ZFPM2: variants seen among roughly 807,000 people sequenced by gnomAD.
ZFPM2 encodes the protein zinc finger protein ZFPM2.
ZFPM2 carries 20 observed loss-of-function variants against 98.6 expected under a neutral mutation model. The ratio of observed to expected loss-of-function variants is 0.20; its 90% confidence interval spans 0.14 to 0.29. ZFPM2 has a LOEUF of 0.29. Ranked by LOEUF, ZFPM2 falls within the 10% of genes least tolerant of loss-of-function variation. The pLI, the probability that ZFPM2 is intolerant of heterozygous loss-of-function variation, is 1.00. For missense variants in ZFPM2, 1,310 were observed against 1,388.6 expected, an observed-to-expected ratio of 0.94 and a Z score of 0.90; for synonymous variants, 518 against 502.7, an observed-to-expected ratio of 1.03 and a Z score of -0.41.
At chr8:105,483,106 C>A (rs1268972113) in intron 3 of ZFPM2, among the ~76,000 whole-genome samples, 3 of 151,380 alleles carry the variant, frequency 2.0e-5, no homozygotes, top group Non-Finnish European at 4.4e-5. Context: ...AGCAATCATC[C>A]CACCTCAGCC....
At chr8:105,557,783 A>T (rs764827702) in intron 3 of ZFPM2, among the ~76,000 whole-genome samples, 12 of 152,198 alleles carry the variant, frequency 7.9e-5, no homozygotes, top group Non-Finnish European at 1.8e-4. Flanking sequence ...GAGCTTTTCC[A>T]TCTTATTTCA....
At chr8:105,355,603 A>T (rs777635840) in intron 1 of ZFPM2, among the ~76,000 whole-genome samples, 8 of 152,170 alleles carry the variant, frequency 5.3e-5, no homozygotes, top group Non-Finnish European at 1.2e-4. Flanking sequence ...AGATGCTGTT[A>T]ATATTATCTA....
chr8:105,632,044 A>G (rs1220045901), intron 4 of ZFPM2, among the ~76,000 whole-genome samples: 10 of 152,182 alleles, frequency 6.6e-5, no homozygotes, highest in Admixed American at 1.3e-4. Flanking sequence ...TGGATGTTAC[A>G]AATAAGTCAC....
chr8:105,346,861 G>A (rs1191695698), intron 1 of ZFPM2, among the ~76,000 whole-genome samples: 6 of 152,148 alleles, frequency 3.9e-5, no homozygotes, highest in Admixed American at 2.0e-4. Context: ...ATGAGATCAC[G>A]TAGGTGGAGA....
chr8:105,602,945 A>G (rs1816122500), intron 4 of ZFPM2, among the ~76,000 whole-genome samples: 1 of 152,098 alleles, frequency 6.6e-6, no homozygotes, highest in Non-Finnish European at 1.5e-5. Context: ...TTTATTCTGA[A>G]AAGCTTATTG....
At chr8:105,420,574 GA>G (rs1292404546) in intron 2 of ZFPM2, among the ~76,000 whole-genome samples, 2 of 152,188 alleles carry the variant, frequency 1.3e-5, no homozygotes, top group African/African-American at 4.8e-5. Flanking sequence ...ATTTTTAATT[GA>G]AAATGAGAAA....
chr8:105,544,807 T>C (rs1814657549), intron 3 of ZFPM2, among the ~76,000 whole-genome samples: 2 of 152,164 alleles, frequency 1.3e-5, no homozygotes, highest in African/African-American at 4.8e-5. Context: ...GTTCAGCAAA[T>C]GAATAAATAC....
intron 5 of ZFPM2, among the ~76,000 whole-genome samples, chr8:105,686,973 G>T (rs1052210771): frequency 6.6e-6 from 1 of 152,132 alleles, no homozygotes; most frequent in Admixed American, 6.5e-5. Flanking sequence ...TTCCTTCTAC[G>T]CACACAGCTA....
intron 1 of ZFPM2, among the ~76,000 whole-genome samples, chr8:105,339,284 C>T (rs1176697704): frequency 2.6e-5 from 4 of 151,620 alleles, no homozygotes; most frequent in South Asian, 2.1e-4. Flanking sequence ...TCTTTTTTTG[C>T]TAGGGAGAAT....
intron 3 of ZFPM2, among the ~76,000 whole-genome samples, chr8:105,553,977 C>T (rs1313974602): frequency 6.6e-6 from 1 of 152,134 alleles, no homozygotes; most frequent in Non-Finnish European, 1.5e-5. Flanking sequence ...GGGATAAGAT[C>T]ACTGCATGGC....
At chr8:105,626,564 G>A (rs1422093919) in intron 4 of ZFPM2, among the ~76,000 whole-genome samples, 1 of 152,006 alleles carries the variant, frequency 6.6e-6, no homozygotes, top group Non-Finnish European at 1.5e-5. Context: ...GGTTGGCAGT[G>A]GTGGTGGTGT....
chr8:105,351,472 C>T (rs1812645403), intron 1 of ZFPM2, among the ~76,000 whole-genome samples: 1 of 151,516 alleles, frequency 6.6e-6, no homozygotes, highest in African/African-American at 2.4e-5. Flanking sequence ...GCTGACTGTA[C>T]ATCAAATTTA....
At chr8:105,542,357 A>G (rs1586449244) in intron 3 of ZFPM2, among the ~76,000 whole-genome samples, 1 of 152,158 alleles carries the variant, frequency 6.6e-6, no homozygotes, top group Non-Finnish European at 1.5e-5. Context: ...GTTTTTATCT[A>G]TAGCGAGATG....
intron 4 of ZFPM2, among the ~76,000 whole-genome samples, chr8:105,626,605 C>T (rs574882940): frequency 1.1e-4 from 17 of 151,618 alleles, no homozygotes; most frequent in Non-Finnish European, 1.8e-4. Flanking sequence ...AATGTGTGTG[C>T]GTGTGTGTGT....
intron 3 of ZFPM2, among the ~76,000 whole-genome samples, chr8:105,472,889 C>T (rs796184030): frequency 8.2e-5 from 9 of 109,354 alleles, no homozygotes; most frequent in African/African-American, 2.9e-4. Flanking sequence ...CTAAAGGGAC[C>T]TTTTTTTTTT....
chr8:105,390,182 A>G (rs1434567829), intron 1 of ZFPM2, among the ~76,000 whole-genome samples: 7 of 152,136 alleles, frequency 4.6e-5, no homozygotes, highest in Admixed American at 1.3e-4. Context: ...TCAGATACCA[A>G]TCTCAAACTC....
At chr8:105,534,866 GGT>G (rs1305828186) in intron 3 of ZFPM2, among the ~76,000 whole-genome samples, 2 of 152,118 alleles carry the variant, frequency 1.3e-5, no homozygotes, top group Non-Finnish European at 2.9e-5. Context: ...CTTTGGCTGT[GGT>G]GCGGAGAACA....
At chr8:105,661,541 A>G (rs1457870703) in intron 5 of ZFPM2, among the ~76,000 whole-genome samples, 1 of 152,194 alleles carries the variant, frequency 6.6e-6, no homozygotes, top group East Asian at 1.9e-4. Context: ...TATATTTTCA[A>G]TTGTTAGACC....
intron 5 of ZFPM2, among the ~76,000 whole-genome samples, chr8:105,706,340 C>T (rs954950789): frequency 3.9e-5 from 6 of 151,982 alleles, no homozygotes; most frequent in Admixed American, 3.3e-4. Context: ...TGCACAAAAG[C>T]GTATGACAGT....
Sources: allele counts gnomAD v4.1 joint callset (sites outside exome capture counted in the v4.1 genomes callset), GRCh38; gene constraint gnomAD v4.1.1; transcripts MANE v1.5; gene names NCBI Gene and HGNC (gene_info 2026-07-23, HGNC 2026-07-21).